IQCM: variants seen among roughly 807,000 people sequenced by gnomAD.
IQCM encodes IQ domain-containing protein M.
IQCM carries 45 observed loss-of-function variants against 57.6 expected under a neutral mutation model. That is an observed-to-expected ratio of 0.78 (90% CI 0.62 to 1.00). IQCM has a LOEUF of 1.00. Ranked by LOEUF, IQCM falls within the 50% of genes least tolerant of loss-of-function variation. The pLI is 0.00. For synonymous variants in IQCM, 148 were observed against 158.9 expected (o/e 0.93, Z 0.51); for missense variants, 468 against 511.6 (o/e 0.91, Z 0.82).
intron 12 of IQCM, among the ~76,000 whole-genome samples, chr4:149,528,190 T>C (rs531359007): frequency 6.6e-6 from 1 of 152,176 alleles, no homozygotes; most frequent in East Asian, 2.0e-4. Flanking sequence ...TTCACCACGT[T>C]GGCCATGCTG....
At chr4:149,756,898 T>C (rs1474303483) in intron 2 of IQCM, among the ~76,000 whole-genome samples, 1 of 152,194 alleles carries the variant, frequency 6.6e-6, no homozygotes, top group Non-Finnish European at 1.5e-5. Context: ...AATAGAAATA[T>C]AATGTATAAC....
intron 13 of IQCM, among the ~76,000 whole-genome samples, chr4:149,393,026 A>G (rs1163361312): frequency 6.6e-6 from 1 of 151,844 alleles, no homozygotes; most frequent in East Asian, 1.9e-4. Flanking sequence ...ACATAAAAAC[A>G]TAGCTGGGCA....
rs77710610 is a variant in IQCM at position 149,670,942 on chromosome 4, T to C, written c.565+11176A>G. 8.1e-4 allele frequency among the ~76,000 whole-genome samples: 83 copies of C among 102,492 alleles called. 1 individual carries two copies. Among genetic ancestry groups the C allele is most frequent in the African/African-American group, 2.1e-3 (65 of 30,964 alleles). The allele number at this position is 102,492 out of a possible 152,430, so 67.2% of individuals were successfully genotyped here. A position where few individuals can be genotyped will look rare whatever the true frequency, so the allele number is the denominator to read the frequency against. On this transcript the variant is annotated intron_variant, in intron 7 of 13. Coordinates refer to ENST00000636793, the MANE Select transcript of IQCM (RefSeq NM_001363507.2). ...GGGATATTGGTCTAAAATTCTCTCT[T>C]TTTTTTTTTTTTGTTGTGTCTCTGC...
At position 149,355,962 on chromosome 4, in the gene IQCM, T is replaced by G. The variant is rs1326765774; in HGVS notation, c.1391-3896A>C. On this transcript the variant is annotated intron_variant, in intron 13 of 13. Coordinates refer to ENST00000636793, the MANE Select transcript of IQCM (RefSeq NM_001363507.2). ...TAACTGGTGTGAGATGGTATCTCAC[T>G]GTGGTTTTGATTTGCATTTCTCTGA... is the stretch of plus-strand genomic sequence containing the variant. 2.6e-5 allele frequency among the ~76,000 whole-genome samples: 4 copies of G among 152,190 alleles called. No homozygotes were observed. In the East Asian group the frequency reaches 7.7e-4, roughly 29 times the overall value.
chr4:149,437,442 T>A (rs1170173717), intron 12 of IQCM, among the ~76,000 whole-genome samples: 2 of 152,104 alleles, frequency 1.3e-5, no homozygotes, highest in Non-Finnish European at 1.5e-5. Context: ...CTAAGAATAA[T>A]GGCTAGTATA....
chr4:149,631,959 T>C (rs1316249674), intron 7 of IQCM, among the ~76,000 whole-genome samples: 1 of 152,220 alleles, frequency 6.6e-6, no homozygotes, highest in Non-Finnish European at 1.5e-5. Flanking sequence ...TGGCTCAAAC[T>C]CTACCCAGTT....
chr4:149,625,272 C>G (rs1372784553), intron 7 of IQCM, among the ~76,000 whole-genome samples: 1 of 152,144 alleles, frequency 6.6e-6, no homozygotes, highest in Non-Finnish European at 1.5e-5. Context: ...GGCCTTTACT[C>G]TAAAATTACT....
chr4:149,441,101 A>C (rs769163762), intron 12 of IQCM, among the ~76,000 whole-genome samples: 27 of 152,176 alleles, frequency 1.8e-4, no homozygotes, highest in Non-Finnish European at 3.5e-4. Flanking sequence ...TGCCAAGATA[A>C]AGTATATTTT....
intron 5 of IQCM, among the ~76,000 whole-genome samples, chr4:149,716,075 G>C (rs1482950438): frequency 6.6e-6 from 1 of 152,314 alleles, no homozygotes; most frequent in East Asian, 1.9e-4. Flanking sequence ...TCGAAGGTGA[G>C]GCTTCACTGG....
chr4:149,454,382 T>C (rs966916066), intron 12 of IQCM, among the ~76,000 whole-genome samples: 1 of 151,576 alleles, frequency 6.6e-6, no homozygotes, highest in Non-Finnish European at 1.5e-5. Flanking sequence ...AAACCAAATA[T>C]TGCATGTTGC....
chr4:149,640,923 A>G lies in IQCM; in HGVS notation c.566-19679T>C, dbSNP rs566214053. 1.9e-4 allele frequency among the ~76,000 whole-genome samples: 29 copies of G among 152,314 alleles called. No homozygotes were observed. In the South Asian group the frequency reaches 4.4e-3, roughly 23 times the overall value. Reference sequence around the variant, plus strand: ...GGCCAGTGGATCATCTAAGGTCAGGAGTTCAAGACCAGTCTGGTCAACATG... The same window carrying G: ...GGCCAGTGGATCATCTAAGGTCAGGGGTTCAAGACCAGTCTGGTCAACATG... On this transcript the variant is annotated intron_variant, in intron 7 of 13. Coordinates refer to ENST00000636793, the MANE Select transcript of IQCM (RefSeq NM_001363507.2).
intron 6 of IQCM, among the ~76,000 whole-genome samples, chr4:149,683,398 G>A (rs866661458): frequency 2.0e-5 from 3 of 151,294 alleles, no homozygotes; most frequent in Middle Eastern, 3.4e-3. Context: ...CTATGAAAGA[G>A]GGGACTCTTC....
chr4:149,497,294 C>G (rs540022518), intron 12 of IQCM, among the ~76,000 whole-genome samples: 2 of 152,172 alleles, frequency 1.3e-5, no homozygotes, highest in South Asian at 4.1e-4. Flanking sequence ...CTTTCAGGCA[C>G]CAGCATCCTC....
chr4:149,677,060 C>G (rs1470022220), intron 7 of IQCM, among the ~76,000 whole-genome samples: 1 of 151,948 alleles, frequency 6.6e-6, no homozygotes, highest in Non-Finnish European at 1.5e-5. Context: ...TTCCTGGCAC[C>G]AAGTATGCAA....
At chr4:149,800,114 C>T (rs763477395) in intron 2 of IQCM, among the ~76,000 whole-genome samples, 3 of 151,616 alleles carry the variant, frequency 2.0e-5, no homozygotes, top group Admixed American at 6.6e-5. Flanking sequence ...ACTAGCAAAC[C>T]AAATTCAGCA....
At chr4:149,703,867 GAATT>G (rs1763953379) in intron 5 of IQCM, among the ~76,000 whole-genome samples, 1 of 151,812 alleles carries the variant, frequency 6.6e-6, no homozygotes, top group African/African-American at 2.4e-5. Context: ...AAGACAGTGA[GAATT>G]AATAAGGTTC....
At chr4:149,614,349 AAAGAGG>A (rs1755587219) in intron 8 of IQCM, among the ~76,000 whole-genome samples, 4 of 152,170 alleles carry the variant, frequency 2.6e-5, no homozygotes, top group African/African-American at 9.6e-5. Flanking sequence ...TAAGCTCATT[AAAGAGG>A]TCTACATGGC....
At chr4:149,662,155 T>TACCATAC (rs1760279197) in intron 7 of IQCM, among the ~76,000 whole-genome samples, 1 of 152,066 alleles carries the variant, frequency 6.6e-6, no homozygotes, top group East Asian at 1.9e-4. Flanking sequence ...TTCTTGTTTG[T>TACCATAC]CACAAGGTAT....
At chr4:149,686,153 T>G (rs1331375790) in intron 6 of IQCM, among the ~76,000 whole-genome samples, 1 of 151,460 alleles carries the variant, frequency 6.6e-6, no homozygotes, top group South Asian at 2.1e-4. Context: ...AAAACCCAGA[T>G]GGTTTACTTA....
Sources: allele counts gnomAD v4.1 joint callset (sites outside exome capture counted in the v4.1 genomes callset), GRCh38; gene constraint gnomAD v4.1.1; transcripts MANE v1.5; gene names NCBI Gene and HGNC (gene_info 2026-07-23, HGNC 2026-07-21).